MAPKBP1: variants seen among roughly 807,000 people sequenced by gnomAD.
MAPKBP1 encodes the protein mitogen-activated protein kinase binding protein 1.
MAPKBP1 carries 71 observed loss-of-function variants against 170.5 expected under a neutral mutation model. That is an observed-to-expected ratio of 0.42 (90% CI 0.34 to 0.51). The LOEUF (loss-of-function observed/expected upper bound fraction) is 0.51. Among genes scored for constraint, MAPKBP1 ranks in the 20% least tolerant of loss-of-function variants. The pLI is 0.06. For synonymous variants in MAPKBP1, 719 were observed against 757.9 expected (o/e 0.95, Z 0.84); for missense variants, 1,598 against 1,933.0 (o/e 0.83, Z 3.25).
At position 41,822,417 on chromosome 15, in the gene MAPKBP1, C is replaced by T; in HGVS notation, c.3224C>T (p.Ala1075Val). 6.2e-7 allele frequency: 1 copy of T among 1,613,862 alleles called. No individual in the cohort carries two copies. Among genetic ancestry groups the T allele is most frequent in the Non-Finnish European group, 8.5e-7 (1 of 1,179,938 alleles). The stretch of plus-strand genomic sequence containing the variant: ...TTTGAGACTCTGGCCAGTGGAGCTG[C>T]TCCAGGTGTGGTCAGAGGGCCAGCA... ...QHFETLASGA[A>V]PGAPVQVPER... The change falls in exon 26 of 31, where the codon GCT (alanine) becomes GTT (valine). Residue 1075 changes from alanine to valine, a missense_variant. Ala to Val is a moderately conservative substitution (Grantham distance 64). Transcript: ENST00000457542.
chr15:41,817,997 T>C lies in MAPKBP1; in HGVS notation c.1905-12T>C. Reference sequence around the variant, plus strand: ...CCGCCTCCTCATGAGAAAGAGACTATGTTTCTTACAGGATATTTAACATCA... The same window carrying C: ...CCGCCTCCTCATGAGAAAGAGACTACGTTTCTTACAGGATATTTAACATCA... On this transcript the variant is annotated splice_polypyrimidine_tract_variant and intron_variant, in intron 16 of 30. Coordinates refer to ENST00000457542, the MANE Select transcript of MAPKBP1 (RefSeq NM_014994.3). The surrounding 1 kb of genome is among the most constrained non-coding windows in gnomAD (Gnocchi z 4.2). 3 of 1,613,490 alleles carry C rather than the reference T, an allele frequency of 1.9e-6. No individual in the cohort carries two copies. The highest frequency in any genetic ancestry group is 2.5e-6 in the Non-Finnish European group (3 of 1,179,398).
In MAPKBP1 at chr15:41,799,905, A is replaced by T; in HGVS notation, c.197A>T (p.Tyr66Phe). 1 of 1,614,116 alleles carries T rather than the reference A, an allele frequency of 6.2e-7. No homozygotes were observed. Among genetic ancestry groups the T allele is most frequent in the Non-Finnish European group, 8.5e-7 (1 of 1,179,974 alleles). The part of the protein sequence containing the change: ...ACDPRSGLVA[Y>F]PAGCVVVLFN... Reference sequence around the variant, plus strand: ...GACCCCCGATCAGGTTTAGTTGCTTACCCAGCAGGGTAAGTAAGCGCCTTG... The same window carrying T: ...GACCCCCGATCAGGTTTAGTTGCTTTCCCAGCAGGGTAAGTAAGCGCCTTG... The change falls in exon 3 of 31, where the codon TAC becomes TTC. Residue 66 changes from tyrosine to phenylalanine, a missense_variant. Tyr to Phe is a conservative substitution (Grantham distance 22, BLOSUM62 3). Coordinates refer to ENST00000457542, the MANE Select transcript of MAPKBP1 (RefSeq NM_014994.3).
At position 41,818,982 on chromosome 15, in the gene MAPKBP1, ATGGG is replaced by A. The variant is rs754168416; in HGVS notation, c.2291+32_2291+35del. The A allele has an allele frequency of 4.3e-6, 7 of 1,611,250 alleles. No individual in the cohort carries two copies. The East Asian group carries it at 6.7e-5, about 15-fold the overall frequency. ...GGTGAGAACAGAATGTGGGCAAGTG[ATGGG>A]TGGGTGTGCAGATGGCTTGCTGGGA... On this transcript the variant is annotated intron_variant, in intron 20 of 30. Coordinates refer to ENST00000457542, the MANE Select transcript of MAPKBP1 (RefSeq NM_014994.3). The surrounding 1 kb of genome is among the most constrained non-coding windows in gnomAD (Gnocchi z 5.2).
At chr15:41,799,639 T>TC (rs1405755856) in intron 2 of MAPKBP1, among the ~76,000 whole-genome samples, 184 bp from the exon 3 acceptor site, 1 of 152,160 alleles carries the variant, frequency 6.6e-6, no homozygotes, top group Non-Finnish European at 1.5e-5. Context: ...GCTGGGTTTT[T>TC]CCCGTGTGAT....
chr15:41,807,285 A>T (rs1254087590), intron 3 of MAPKBP1, among the ~76,000 whole-genome samples: 1 of 152,202 alleles, frequency 6.6e-6, no homozygotes, highest in Non-Finnish European at 1.5e-5. Flanking sequence ...AGAAGGAGGA[A>T]ACAGAGGATA....
intron 3 of MAPKBP1, 119 bp downstream of exon 3, chr15:41,800,033 G>C: frequency 1.2e-6 from 1 of 858,716 alleles, no homozygotes; most frequent in Non-Finnish European, 1.9e-6. Flanking sequence ...TTAATGTTTT[G>C]TTGTCATTTT....
intron 2 of MAPKBP1, among the ~76,000 whole-genome samples, chr15:41,788,938 G>C (rs1191859218): frequency 3.3e-5 from 5 of 152,164 alleles, no homozygotes; most frequent in Non-Finnish European, 5.9e-5. Flanking sequence ...ATCCAGGAAT[G>C]TGTTGAAGGC....
chr15:41,797,978 C>T (rs552016218), intron 2 of MAPKBP1, among the ~76,000 whole-genome samples: 7 of 152,074 alleles, frequency 4.6e-5, no homozygotes, highest in Non-Finnish European at 7.4e-5. Context: ...CAGCCGGGTG[C>T]GGTGGCTCAT....
At chr15:41,794,555 A>C (rs1025968206) in intron 2 of MAPKBP1, among the ~76,000 whole-genome samples, 3 of 152,214 alleles carry the variant, frequency 2.0e-5, no homozygotes, top group Admixed American at 2.0e-4. Flanking sequence ...TCGGTCGGTC[A>C]TAGCCTTTCT....
intron 21 of MAPKBP1, 58 bp from the exon 22 acceptor site, chr15:41,819,537 G>C (rs1424682283): frequency 6.5e-7 from 1 of 1,533,488 alleles, no homozygotes; most frequent in South Asian, 1.1e-5. Flanking sequence ...AGGGCTCCAG[G>C]GTTGGGTGGC....
rs1596102241 is a variant in MAPKBP1 at position 41,824,000 on chromosome 15, T to C, written c.4152T>C (p.Pro1384=). 1.2e-6 allele frequency: 2 copies of C among 1,612,772 alleles called. No individual in the cohort carries two copies. Among genetic ancestry groups the C allele is most frequent in the East Asian group, 4.5e-5 (2 of 44,864 alleles). ...CTGAAAACTTGCAGCCCCCACCCCC[T>C]GAGAAGACTCCCAACCCCATGGAAT... is the stretch of plus-strand genomic sequence containing the variant. The part of the protein sequence containing the change: ...QGPENLQPPP[P]EKTPNPMECT... Residue 1384 remains proline (P), a synonymous_variant, in exon 29 of 31, where the codon CCT becomes CCC. Transcript: ENST00000457542.
At chr15:41,809,375 T>G (rs756984800) in intron 3 of MAPKBP1, among the ~76,000 whole-genome samples, 1 of 152,180 alleles carries the variant, frequency 6.6e-6, no homozygotes, top group Non-Finnish European at 1.5e-5. Flanking sequence ...GCATATCTAG[T>G]CACATCGGAG....
chr15:41,774,545 G>A lies in MAPKBP1; in HGVS notation c.-175G>A. On this transcript the variant is annotated 5_prime_UTR_variant, in exon 1 of 31. Transcript: ENST00000457542. ...CTACCGCTGCGGCTACCGCGGCGGA[G>A]CTGAAATTGCCGAACGCGATGCCCG... 5.0e-6 allele frequency: 2 copies of A among 398,648 alleles called. No individual in the cohort carries two copies. The highest frequency in any genetic ancestry group is 3.6e-5 in the East Asian group (1 of 28,080). 24.7% of individuals were successfully genotyped at this position (398,648 alleles called of 1,614,324 possible).
At chr15:41,796,051 G>A (rs945780855) in intron 2 of MAPKBP1, among the ~76,000 whole-genome samples, 1 of 152,214 alleles carries the variant, frequency 6.6e-6, no homozygotes. Context: ...TGGCATGGTG[G>A]TAAATAGTTA....
chr15:41,775,972 T>C, intron 2 of MAPKBP1, among the ~76,000 whole-genome samples: 1 of 152,348 alleles, frequency 6.6e-6, no homozygotes, highest in East Asian at 1.9e-4. Flanking sequence ...CAGTTCTGGA[T>C]GGCCCTTGAG....
In MAPKBP1 at chr15:41,819,269, C is replaced by T. The variant is rs780963139; in HGVS notation, c.2315C>T (p.Ser772Phe). 13 of 1,614,040 alleles carry T rather than the reference C, an allele frequency of 8.1e-6. No homozygotes were observed. The Admixed American group carries it at 1.5e-4, about 19-fold the overall frequency. Residue 772 changes from serine to phenylalanine, a missense_variant, in exon 21 of 31, where the codon TCT becomes TTT. Coordinates refer to ENST00000457542, the MANE Select transcript of MAPKBP1 (RefSeq NM_014994.3). ...PNRHQAPSML[S>F]PGPALSSDSD... Reference sequence around the variant, plus strand: ...AGGCACCAGGCCCCATCAATGCTGTCTCCTGGACCGGCTCTCTCATCAGAC... The same window carrying T: ...AGGCACCAGGCCCCATCAATGCTGTTTCCTGGACCGGCTCTCTCATCAGAC...
intron 3 of MAPKBP1, among the ~76,000 whole-genome samples, chr15:41,808,105 C>CTTTTTTTTTT (rs544983500): frequency 4.6e-5 from 5 of 109,450 alleles, no homozygotes; most frequent in East Asian, 3.1e-4. Flanking sequence ...TTCTTTCTTT[C>CTTTTTTTTTT]TTTTTTTTTT....
At chr15:41,809,032 C>T (rs566296559) in intron 3 of MAPKBP1, among the ~76,000 whole-genome samples, 13 of 146,470 alleles carry the variant, frequency 8.9e-5, no homozygotes, top group African/African-American at 3.3e-4. Context: ...TGCCATGGTG[C>T]CACTGCAGTC....
rs983230234 is a variant in MAPKBP1 at position 41,818,905 on chromosome 15, G to A, written c.2239G>A (p.Gly747Ser). 2 of 1,614,124 alleles carry A rather than the reference G, an allele frequency of 1.2e-6. No homozygotes were observed. Among genetic ancestry groups the A allele is most frequent in the Non-Finnish European group, 1.7e-6 (2 of 1,180,056 alleles). Residue 747 changes from glycine (G) to serine (S), a missense_variant, in exon 20 of 31, where the codon GGC becomes AGC. This residue lies in a region of MAPKBP1 where 63 missense variants were observed against 115.2 expected (regional missense o/e 0.55). Coordinates refer to ENST00000457542, the MANE Select transcript of MAPKBP1 (RefSeq NM_014994.3). The surrounding 1 kb of genome is among the most constrained non-coding windows in gnomAD (Gnocchi z 5.2). ...RLAELRQRQR[G>S]GKQQGPSSPQ... is the part of the protein sequence containing the mutation. ...GGCCGAGTTGCGCCAGCGTCAGCGG[G>A]GCGGCAAGCAGCAAGGACCATCCTC...
Sources: gnomAD v4.1 joint callset for allele counts (sites outside exome capture counted in the v4.1 genomes callset) on GRCh38, gnomAD v4.1.1 for gene constraint, gnomAD v4.1.1 regional missense constraint, Gnocchi (gnomAD v3.1) non-coding constraint, MANE v1.5 for transcripts, NCBI Gene and HGNC (gene_info 2026-07-23, HGNC 2026-07-21) for gene names.